Variants in PEX5L observed in about 807,000 individuals in gnomAD.
The protein encoded by PEX5L is peroxisomal biogenesis factor 5 like.
A neutral mutation model predicts 84.0 loss-of-function variants in PEX5L; 30 were observed. The observed-to-expected ratio is 0.36, with a 90% CI of 0.27 to 0.48. PEX5L has a LOEUF of 0.48. Among genes scored for constraint, PEX5L ranks in the 20% least tolerant of loss-of-function variants. The pLI, the probability that PEX5L is intolerant of heterozygous loss-of-function variation, is 0.99. For missense variants in PEX5L, 533 were observed against 754.6 expected (o/e 0.71, Z 3.44); for synonymous variants, 270 against 283.1 (o/e 0.95, Z 0.46).
intron 4 of PEX5L, among the ~76,000 whole-genome samples, chr3:179,884,940 G>A (rs937098667): frequency 2.6e-5 from 4 of 152,088 alleles, no homozygotes; most frequent in African/African-American, 7.2e-5. Context: ...ATCACTGACC[G>A]ACCTCCAGAA....
At chr3:179,919,547 C>T (rs1028872318) in intron 2 of PEX5L, among the ~76,000 whole-genome samples, 8 of 152,076 alleles carry the variant, frequency 5.3e-5, no homozygotes, top group Admixed American at 1.3e-4. Flanking sequence ...TTTTCTTCCC[C>T]CTCGAGTAAT....
chr3:179,834,564 G>A (rs570030111), intron 8 of PEX5L, among the ~76,000 whole-genome samples: 4 of 152,216 alleles, frequency 2.6e-5, no homozygotes, highest in Admixed American at 6.5e-5. Context: ...GTGAGCAGAG[G>A]GGGAAGGAGT....
chr3:179,851,619 G>C (rs1230775939), intron 8 of PEX5L, among the ~76,000 whole-genome samples: 1 of 152,186 alleles, frequency 6.6e-6, no homozygotes, highest in Non-Finnish European at 1.5e-5. Context: ...AATGCTGTGG[G>C]AGGCAATGTT....
In PEX5L at chr3:179,936,850, T is replaced by G. The variant is rs529308966; in HGVS notation, c.93+34744A>C. On this transcript the variant is annotated intron_variant, in intron 2 of 14. Coordinates refer to ENST00000467460, the MANE Select transcript of PEX5L (RefSeq NM_016559.3). ...TACTCCATGGCTATCACCACTATCT[T>G]CAGCTCTGAGATTTAGTCTGGGCTT... 5.7e-5 allele frequency among the ~76,000 whole-genome samples: 6 copies of G among 106,020 alleles called. 3 individuals carry two copies. The highest frequency in any genetic ancestry group is 2.1e-4 in the African/African-American group (6 of 28,222). The allele number at this position is 106,020 out of a possible 152,430, so 69.6% of individuals were successfully genotyped here. A position where few individuals can be genotyped will look rare whatever the true frequency, so the allele number is the denominator to read the frequency against.
intron 2 of PEX5L, among the ~76,000 whole-genome samples, chr3:179,947,141 G>T (rs919591538): frequency 7.9e-5 from 12 of 152,100 alleles, no homozygotes; most frequent in Middle Eastern, 3.2e-3. Context: ...CTGAGAAATT[G>T]GTAGTGGCCT....
chr3:179,837,596 A>G (rs902893640), intron 8 of PEX5L, among the ~76,000 whole-genome samples: 9 of 152,178 alleles, frequency 5.9e-5, no homozygotes, highest in African/African-American at 2.2e-4. Flanking sequence ...CATCCCTTAC[A>G]TAACTGTTTG....
At chr3:179,852,707 T>C (rs772648258) in intron 8 of PEX5L, among the ~76,000 whole-genome samples, 1 of 152,208 alleles carries the variant, frequency 6.6e-6, no homozygotes, top group East Asian at 1.9e-4. Context: ...TGTCCATACA[T>C]CCTCATTTTT....
At chr3:179,954,206 G>C (rs867076108) in intron 2 of PEX5L, among the ~76,000 whole-genome samples, 1 of 89,818 alleles carries the variant, frequency 1.1e-5, no homozygotes, top group African/African-American at 5.0e-5. Flanking sequence ...CCATTAGTCG[G>C]GGGGGGGGGA....
chr3:179,861,235 A>G (rs2108555578), intron 7 of PEX5L, among the ~76,000 whole-genome samples: 1 of 152,338 alleles, frequency 6.6e-6, no homozygotes, highest in East Asian at 1.9e-4. Context: ...CAATGAATAG[A>G]TGCGTGAATG....
intron 1 of PEX5L, among the ~76,000 whole-genome samples, chr3:180,029,045 C>A (rs1791214296): frequency 6.6e-6 from 1 of 152,144 alleles, no homozygotes; most frequent in Non-Finnish European, 1.5e-5. Context: ...ACATCTCTAG[C>A]AGTGTGTCTT....
intron 1 of PEX5L, among the ~76,000 whole-genome samples, chr3:180,011,305 C>T (rs775551840): frequency 3.7e-4 from 57 of 152,174 alleles, no homozygotes; most frequent in Non-Finnish European, 2.1e-4. Flanking sequence ...AAGAGAAAAG[C>T]TTCTAGGCAG....
At chr3:179,821,608 T>C (rs16830858) in intron 8 of PEX5L, among the ~76,000 whole-genome samples, 1,673 of 152,380 alleles carry the variant, frequency 0.011, 28 homozygotes, top group African/African-American at 0.038. Context: ...AGAAACGGGT[T>C]CTGCCCCTTT....
Position 179,887,679 on chromosome 3 carries a change from T to C in PEX5L, c.304A>G (p.Thr102Ala). Residue 102 changes from threonine to alanine, a missense_variant, in exon 4 of 15, where the codon ACA becomes GCA. By Grantham distance (58) the Thr-to-Ala change is moderately conservative. Transcript: ENST00000467460. ...TTAAAAGTGAGAGAATTACCAGCTGTATTGGATGTTACTGGCCTTGCTATT... is the reference window on the plus strand; with the variant it reads ...TTAAAAGTGAGAGAATTACCAGCTGCATTGGATGTTACTGGCCTTGCTATT... ...EAIARPVTSN[T>A]AVLTTGLDLL... is the part of the protein sequence containing the mutation. 1 of 1,584,138 alleles carries C rather than the reference T, an allele frequency of 6.3e-7. No individual in the cohort carries two copies. The highest frequency in any genetic ancestry group is 8.7e-7 in the Non-Finnish European group (1 of 1,152,622).
chr3:179,897,848 C>T (rs553317034), intron 3 of PEX5L, among the ~76,000 whole-genome samples: 120 of 151,958 alleles, frequency 7.9e-4, no homozygotes, highest in African/African-American at 2.7e-3. Context: ...AAGTTTTTAA[C>T]AAGACTCCTT....
intron 2 of PEX5L, among the ~76,000 whole-genome samples, chr3:179,899,095 AAGT>A: frequency 6.6e-6 from 1 of 152,158 alleles, no homozygotes; most frequent in Non-Finnish European, 1.5e-5. Flanking sequence ...TGTCTCAAAG[AAGT>A]AGAATTATAA....
In PEX5L at chr3:179,808,299, A is replaced by G; in HGVS notation, c.1491T>C (p.Phe497=). The G allele has an allele frequency of 6.3e-7, 1 of 1,599,608 alleles. No homozygotes were observed. Among genetic ancestry groups the G allele is most frequent in the Non-Finnish European group, 8.5e-7 (1 of 1,174,136 alleles). Residue 497 remains phenylalanine, a synonymous_variant, in exon 13 of 15, where the codon TTT becomes TTC. Transcript: ENST00000467460. ...CTGGCCGAACAGTTAAGGCAGCGTTAAATGCATCTATTGCTCTATTAAATT... is the reference window on the plus strand; with the variant it reads ...CTGGCCGAACAGTTAAGGCAGCGTTGAATGCATCTATTGCTCTATTAAATT... ...SGEFNRAIDA[F]NAALTVRPED...
At chr3:179,988,253 TA>T (rs1460983303) in intron 1 of PEX5L, among the ~76,000 whole-genome samples, 1 of 151,836 alleles carries the variant, frequency 6.6e-6, no homozygotes, top group African/African-American at 2.4e-5. Context: ...TACAAAAAAT[TA>T]GCCGGGTGTG....
At chr3:179,981,475 C>T (rs750228568) in intron 1 of PEX5L, among the ~76,000 whole-genome samples, 14 of 152,150 alleles carry the variant, frequency 9.2e-5, no homozygotes, top group Non-Finnish European at 2.1e-4. Flanking sequence ...GCTGACCCCA[C>T]ACCAATTTTA....
intron 8 of PEX5L, among the ~76,000 whole-genome samples, chr3:179,833,278 G>T (rs548353503): frequency 6.6e-6 from 1 of 152,290 alleles, no homozygotes; most frequent in African/African-American, 2.4e-5. Context: ...CAACAATATT[G>T]AATATGTATA....
Sources: gnomAD v4.1 joint callset for allele counts (sites outside exome capture counted in the v4.1 genomes callset) on GRCh38, gnomAD v4.1.1 for gene constraint, MANE v1.5 for transcripts, NCBI Gene and HGNC (gene_info 2026-07-23, HGNC 2026-07-21) for gene names.